SLC3A2: variants seen among roughly 807,000 people sequenced by gnomAD.
SLC3A2 encodes amino acid transporter heavy chain SLC3A2.
Under a neutral mutation model 48.5 loss-of-function variants are expected in SLC3A2, and 32 were observed. That is an observed-to-expected ratio of 0.66 (90% CI 0.50 to 0.89). The LOEUF (loss-of-function observed/expected upper bound fraction) is 0.89. Ranked by LOEUF, SLC3A2 falls within the 40% of genes least tolerant of loss-of-function variation. The probability of loss-of-function intolerance (pLI) is 0.00; values close to 1 mark genes in which losing one functional copy is unlikely to be tolerated. For missense variants in SLC3A2, 587 were observed against 680.7 expected (o/e 0.86, Z 1.53); for synonymous variants, 277 against 288.8 (o/e 0.96, Z 0.41).
intron 1 of SLC3A2, among the ~76,000 whole-genome samples, chr11:62,869,585 TTATTGGTTTTTTTCG>T (rs2085490156): frequency 6.7e-6 from 1 of 150,088 alleles, no homozygotes; most frequent in South Asian, 2.1e-4. Flanking sequence ...TTCTTGATGA[TTATTGGTTTTTTTCG>T]TACTGGTTTT....
intron 1 of SLC3A2, among the ~76,000 whole-genome samples, chr11:62,865,924 C>T (rs1178087365): frequency 2.0e-5 from 3 of 152,080 alleles, no homozygotes; most frequent in African/African-American, 4.8e-5. Context: ...ACTGCTTCTC[C>T]TGTCATCAGC....
chr11:62,856,293 C>G, exon 1 of SLC3A2: 6 of 1,613,396 alleles, frequency 3.7e-6, no homozygotes, highest in Non-Finnish European at 5.1e-6. Flanking sequence ...CTCCTGAAGC[C>G]TCGATCGCCG....
chr11:62,887,142 G>T (rs2085725048), intron 7 of SLC3A2, among the ~76,000 whole-genome samples: 1 of 152,174 alleles, frequency 6.6e-6, no homozygotes, highest in Non-Finnish European at 1.5e-5. Context: ...AAGAGAGCTG[G>T]AGGTGGTTAG....
intron 1 of SLC3A2, among the ~76,000 whole-genome samples, chr11:62,869,456 G>A (rs1271357143): frequency 6.0e-5 from 9 of 148,976 alleles, no homozygotes; most frequent in Non-Finnish European, 8.9e-5. Context: ...CCCAGGAGGC[G>A]GAGGTTGCAG....
chr11:62,856,386 T>C, intron 1 of SLC3A2: 2 of 1,601,898 alleles, frequency 1.2e-6, no homozygotes, highest in Middle Eastern at 1.7e-4. Context: ...ACTCAGGTAC[T>C]GGATCCCGGG....
intron 1 of SLC3A2, among the ~76,000 whole-genome samples, chr11:62,856,701 C>T (rs1227994227): frequency 1.3e-5 from 2 of 152,228 alleles, no homozygotes; most frequent in African/African-American, 4.8e-5. Context: ...CCTGCTGCAA[C>T]TCCTGCCTGA....
In SLC3A2 at chr11:62,884,426, T is replaced by C. The variant is rs542682328; in HGVS notation, c.691-31T>C. The C allele has an allele frequency of 3.1e-6, 5 of 1,613,134 alleles. No homozygotes were observed. The African/African-American group carries it at 6.7e-5, about 22-fold the overall frequency. ...TTCTGAGCCTTTTCCTGAGAACTGA[T>C]GTCTGTCCTTTATTCTTCTGCCCCC... On this transcript the variant is annotated intron_variant, in intron 3 of 8. Transcript: ENST00000338663.
intron 2 of SLC3A2, chr11:62,882,362 T>G (rs1418077826): frequency 3.4e-5 from 10 of 295,080 alleles, no homozygotes; most frequent in African/African-American, 6.6e-5. Flanking sequence ...TAGGTTTTTT[T>G]GGGGGGGGGG....
At chr11:62,863,459 C>T (rs952414492) in intron 1 of SLC3A2, among the ~76,000 whole-genome samples, 7 of 152,114 alleles carry the variant, frequency 4.6e-5, no homozygotes, top group Non-Finnish European at 7.4e-5. Context: ...TGGGCTCAAG[C>T]GACCAAATTG....
intron 7 of SLC3A2, among the ~76,000 whole-genome samples, chr11:62,887,617 C>T (rs564074960): frequency 2.0e-5 from 3 of 150,816 alleles, no homozygotes; most frequent in African/African-American, 4.9e-5. Flanking sequence ...GCAGGAGAAT[C>T]GCTTGAACCC....
Position 62,881,414 on chromosome 11 carries a change from G to A in SLC3A2, c.391G>A (p.Ala131Thr). The change falls in exon 1 of 9, where the codon GCC becomes ACC. Residue 131 changes from alanine to threonine, a missense_variant. Ala to Thr is a moderately conservative substitution (Grantham distance 58). Around this residue, in one of 3 missense-constraint regions of SLC3A2, gnomAD observed 409 missense variants for 446.7 expected, o/e 0.92. Coordinates refer to ENST00000338663, the MANE Select transcript of SLC3A2 (RefSeq NM_001013251.3). This position sits in a 1 kb window ranked among gnomAD's most constrained non-coding sequence, Gnocchi z 4.0. Reference protein sequence around the residue: ...GALYRIGDLQAFQGHGAGNLA... With the variant: ...GALYRIGDLQTFQGHGAGNLA... ...CCTCTACCGCATCGGCGACCTTCAG[G>A]CCTTCCAGGGCCACGGCGCGGGCAA... The A allele has an allele frequency of 6.3e-7, 1 of 1,590,952 alleles. No homozygotes were observed. The highest frequency in any genetic ancestry group is 8.5e-7 in the Non-Finnish European group (1 of 1,175,682).
chr11:62,866,292 A>G (rs1419964503), intron 1 of SLC3A2, among the ~76,000 whole-genome samples: 2 of 151,332 alleles, frequency 1.3e-5, no homozygotes, highest in African/African-American at 4.9e-5. Flanking sequence ...TAATTTTTGT[A>G]TTTTTAGTAG....
rs2085650512 is a variant in SLC3A2 at position 62,882,149 on chromosome 11, CTGCT to C, written c.598+84_598+87del. 3.8e-5 allele frequency: 57 copies of C among 1,515,110 alleles called. 1 individual carries two copies. The South Asian group carries it at 5.6e-4, about 15-fold the overall frequency. 93.9% of individuals were successfully genotyped at this position (1,515,110 alleles called of 1,614,324 possible). On this transcript the variant is annotated intron_variant, in intron 2 of 8. Coordinates refer to ENST00000338663, the MANE Select transcript of SLC3A2 (RefSeq NM_001013251.3). Reference sequence around the variant, plus strand: ...TAGGCTAGAACTTTTGTCTGGTTTCCTGCTAACTGGCTCTGAGTTTTCCTAGGGC... The same window carrying C: ...TAGGCTAGAACTTTTGTCTGGTTTCCAACTGGCTCTGAGTTTTCCTAGGGC...
chr11:62,882,869 T>C (rs768902873), intron 2 of SLC3A2, 39 bp from the exon 3 acceptor site: 5 of 1,486,734 alleles, frequency 3.4e-6, no homozygotes, highest in Non-Finnish European at 4.7e-6. Context: ...CCTTAACTCA[T>C]AGACTGTCTC....
intron 2 of SLC3A2, 77 bp from the exon 3 acceptor site, chr11:62,882,830 TG>T: frequency 8.3e-7 from 1 of 1,206,084 alleles, no homozygotes; most frequent in Non-Finnish European, 1.2e-6. Context: ...AAACACTCAG[TG>T]ACTTGCATTT....
At chr11:62,878,146 G>GAGA (rs1375874164), upstream of SLC3A2, among the ~76,000 whole-genome samples, 1 of 150,798 alleles carries the variant, frequency 6.6e-6, no homozygotes, top group Non-Finnish European at 1.5e-5. Context: ...GTGACAGTGT[G>GAGA]AGACCCTGTC....
upstream of SLC3A2, chr11:62,880,786 T>A: frequency 1.4e-6 from 1 of 705,768 alleles, no homozygotes; most frequent in Non-Finnish European, 2.2e-6. Flanking sequence ...TTCCTGACTT[T>A]ACTACCCTGA....
chr11:62,888,313 T>C lies in SLC3A2; in HGVS notation c.1228-18T>C. ...GGGAGCCCCTCACACGCTTCTGCTATGTTTTTATCATTCTTAGGGCCAGAG... is the reference window on the plus strand; with the variant it reads ...GGGAGCCCCTCACACGCTTCTGCTACGTTTTTATCATTCTTAGGGCCAGAG... On this transcript the variant is annotated intron_variant, in intron 8 of 8. Transcript: ENST00000338663. 1.2e-6 allele frequency: 2 copies of C among 1,612,014 alleles called. No homozygotes were observed. The highest frequency in any genetic ancestry group is 1.7e-6 in the Non-Finnish European group (2 of 1,178,510).
chr11:62,858,119 G>A (rs1226365296), intron 1 of SLC3A2, among the ~76,000 whole-genome samples: 1 of 152,146 alleles, frequency 6.6e-6, no homozygotes, highest in Non-Finnish European at 1.5e-5. Flanking sequence ...ATGGAGACAA[G>A]GGCATTAATT....
Sources: gnomAD v4.1 joint callset for allele counts (sites outside exome capture counted in the v4.1 genomes callset) on GRCh38, gnomAD v4.1.1 for gene constraint, gnomAD v4.1.1 regional missense constraint, Gnocchi (gnomAD v3.1) non-coding constraint, MANE v1.5 for transcripts, NCBI Gene and HGNC (gene_info 2026-07-23, HGNC 2026-07-21) for gene names.